The following BCL11B variants were observed in gnomAD, a reference collection of about 807,000 sequenced individuals.
The protein encoded by BCL11B is B-cell lymphoma/leukemia 11B.
A neutral mutation model predicts 49.9 loss-of-function variants in BCL11B; 8 were observed. The observed-to-expected ratio is 0.16, with a 90% CI of 0.09 to 0.29. The LOEUF (loss-of-function observed/expected upper bound fraction) is 0.29. Ranked by LOEUF, BCL11B falls within the 10% of genes least tolerant of loss-of-function variation. BCL11B has a pLI of 1.00. For synonymous variants in BCL11B, 739 were observed against 637.4 expected (o/e 1.16, Z -2.40); for missense variants, 1,006 against 1,351.0 (o/e 0.74, Z 4.00).
chr14:99,224,665 G>A (rs1358791926), intron 3 of BCL11B, among the ~76,000 whole-genome samples: 1 of 152,152 alleles, frequency 6.6e-6, no homozygotes, highest in African/African-American at 2.4e-5. Flanking sequence ...CTGTGGCCAC[G>A]CCCAGATGGT....
intron 2 of BCL11B, among the ~76,000 whole-genome samples, chr14:99,256,576 A>G (rs1362708490): frequency 6.6e-6 from 1 of 152,174 alleles, no homozygotes; most frequent in Non-Finnish European, 1.5e-5. Flanking sequence ...TGGGCTCAGA[A>G]GTATAAACCA....
chr14:99,199,673 T>TGCGCGC (rs774405509), intron 3 of BCL11B, among the ~76,000 whole-genome samples: 7 of 84,402 alleles, frequency 8.3e-5, no homozygotes, highest in African/African-American at 2.8e-4. Context: ...TGTGTGTGTG[T>TGCGCGC]GTGTGTGTGT....
At chr14:99,176,225 GAC>G (rs1457377238) in intron 3 of BCL11B, 30 bp from the exon 4 acceptor site, 3 of 1,598,826 alleles carry the variant, frequency 1.9e-6, no homozygotes, top group Non-Finnish European at 2.6e-6. Context: ...GAAAGGCAGA[GAC>G]AGCGTGAGAA....
At chr14:99,199,683 T>TGCGCGCGCGCGCGC (rs1555378683) in intron 3 of BCL11B, among the ~76,000 whole-genome samples, 10 of 73,738 alleles carry the variant, frequency 1.4e-4, no homozygotes, top group East Asian at 3.1e-4. Context: ...TGTGTGTGTG[T>TGCGCGCGCGCGCGC]GCGCGCGCGC....
At chr14:99,263,113 CGGA>C (rs1889384981) in intron 1 of BCL11B, 2 of 152,802 alleles carry the variant, frequency 1.3e-5, no homozygotes, top group Non-Finnish European at 2.9e-5. Context: ...CACAGCCAGG[CGGA>C]GTCTGAAGCA....
intron 3 of BCL11B, among the ~76,000 whole-genome samples, chr14:99,176,432 C>CT (rs1209682446): frequency 6.6e-6 from 1 of 152,220 alleles, no homozygotes; most frequent in East Asian, 1.9e-4. Flanking sequence ...GCGCCAGCGA[C>CT]TTACTTCAAT....
At position 99,247,029 on chromosome 14, in the gene BCL11B, G is replaced by A. The variant is rs1212713020; in HGVS notation, c.427+10442C>T. 1.3e-5 allele frequency among the ~76,000 whole-genome samples: 2 copies of A among 152,042 alleles called. No individual in the cohort carries two copies. The highest frequency in any genetic ancestry group is 2.9e-5 in the Non-Finnish European group (2 of 68,006). ...TCCGCAGCCTGGAGCCTCGCGTCCC[G>A]CCTCCCCGCAACACGCTGTTTTCAG... On this transcript the variant is annotated intron_variant, in intron 2 of 3. Transcript: ENST00000357195. The surrounding 1 kb of genome is among the most constrained non-coding windows in gnomAD (Gnocchi z 4.5).
chr14:99,253,444 G>A (rs978228894), intron 2 of BCL11B, among the ~76,000 whole-genome samples: 2 of 152,210 alleles, frequency 1.3e-5, no homozygotes, highest in Non-Finnish European at 2.9e-5. Flanking sequence ...CTGAAAATGC[G>A]GCGGAGGAGG....
At chr14:99,265,381 G>T (rs1889450151) in intron 1 of BCL11B, among the ~76,000 whole-genome samples, 1 of 152,108 alleles carries the variant, frequency 6.6e-6, no homozygotes, top group African/African-American at 2.4e-5. Flanking sequence ...CTAAAGGTGA[G>T]GCCTAACCAG....
At chr14:99,199,060 T>C (rs1430617276) in intron 3 of BCL11B, among the ~76,000 whole-genome samples, 3 of 152,198 alleles carry the variant, frequency 2.0e-5, no homozygotes, top group African/African-American at 7.2e-5. Context: ...GAAGCATCAC[T>C]GATACTTTTG....
chr14:99,258,541 G>T (rs1360546942), intron 1 of BCL11B, among the ~76,000 whole-genome samples: 4 of 152,220 alleles, frequency 2.6e-5, no homozygotes, highest in Admixed American at 6.5e-5. Context: ...CCTTAGGAGA[G>T]AAGGAAGCCC....
Position 99,231,693 on chromosome 14 carries a change from C to T in BCL11B, c.428-136G>A. The T allele has an allele frequency of 2.2e-6, 2 of 901,254 alleles. No homozygotes were observed. 55.8% of individuals were successfully genotyped at this position (901,254 alleles called of 1,614,324 possible). ...GGTGGGAGGCCCCCGGGGTGCCAGGCCCTGCAGGGAAGGCAATCGGGACAC... is the reference window on the plus strand; with the variant it reads ...GGTGGGAGGCCCCCGGGGTGCCAGGTCCTGCAGGGAAGGCAATCGGGACAC... On this transcript the variant is annotated intron_variant, in intron 2 of 3. Coordinates refer to ENST00000357195, the MANE Select transcript of BCL11B (RefSeq NM_138576.4). This position sits in a 1 kb window ranked among gnomAD's most constrained non-coding sequence, Gnocchi z 8.1.
intron 2 of BCL11B, among the ~76,000 whole-genome samples, chr14:99,255,562 G>C (rs2139948718): frequency 6.6e-6 from 1 of 152,262 alleles, no homozygotes. Context: ...CTCTCATTGG[G>C]AAATGCCTTC....
At chr14:99,237,744 G>T (rs1353536136) in intron 2 of BCL11B, among the ~76,000 whole-genome samples, 1 of 152,114 alleles carries the variant, frequency 6.6e-6, no homozygotes, top group Non-Finnish European at 1.5e-5. Context: ...GTCATTACAC[G>T]GGAGACATAA....
rs1024737446 is a variant in BCL11B at position 99,194,441 on chromosome 14, C to A, written c.641-18246G>T. 2.6e-5 allele frequency among the ~76,000 whole-genome samples: 4 copies of A among 152,230 alleles called. No individual in the cohort carries two copies. The highest frequency in any genetic ancestry group is 7.2e-5 in the African/African-American group (3 of 41,468). ...GGCATGGCCAGAGCTCTGTCCTTCT[C>A]GGCTTCTGCCCTGTGGGGCACCCAG... On this transcript the variant is annotated intron_variant, in intron 3 of 3. Transcript: ENST00000357195. This position sits in a 1 kb window ranked among gnomAD's most constrained non-coding sequence, Gnocchi z 4.6.
Position 99,172,525 on chromosome 14 carries a change from C to G in BCL11B, c.*1626G>C, listed in dbSNP as rs913030009. On this transcript the variant is annotated 3_prime_UTR_variant, in exon 4 of 4. Coordinates refer to ENST00000357195, the MANE Select transcript of BCL11B (RefSeq NM_138576.4). The stretch of plus-strand genomic sequence containing the variant: ...AAAGTTTTGCATTTGTCTCAAGAGA[C>G]TCAAATAGGAAGATCAGTTTTCAAG... 1.5e-5 allele frequency: 3 copies of G among 206,126 alleles called. No individual in the cohort carries two copies. Among genetic ancestry groups the G allele is most frequent in the Non-Finnish European group, 3.0e-5 (3 of 100,910 alleles). The allele number at this position is 206,126 out of a possible 1,614,324, so 12.8% of individuals were successfully genotyped here.
chr14:99,214,787 T>G lies in BCL11B; in HGVS notation c.640+16558A>C, dbSNP rs78043129. Among the ~76,000 whole-genome samples the G allele has an allele frequency of 9.9e-4, 150 of 152,246 alleles. 2 individuals are homozygous for G. The East Asian group carries it at 0.022, about 23-fold the overall frequency. ...TCTTTACCTTCCCAGCAGCATCTTA[T>G]TCCCATGGCCCCAGCAGGTGGATGT... On this transcript the variant is annotated intron_variant, in intron 3 of 3. Transcript: ENST00000357195.
chr14:99,199,685 C>CAT (rs1887304460), intron 3 of BCL11B, among the ~76,000 whole-genome samples: 1 of 58,850 alleles, frequency 1.7e-5, no homozygotes, highest in Non-Finnish European at 6.3e-5. Context: ...TGTGTGTGTG[C>CAT]GCGCGCGCGC....
At chr14:99,255,888 G>A (rs540842254) in intron 2 of BCL11B, among the ~76,000 whole-genome samples, 50 of 152,328 alleles carry the variant, frequency 3.3e-4, no homozygotes, top group Non-Finnish European at 6.9e-4. Flanking sequence ...CTTGGAAAGT[G>A]TATGAGACAC....
Sources: allele counts gnomAD v4.1 joint callset (sites outside exome capture counted in the v4.1 genomes callset), GRCh38; gene constraint gnomAD v4.1.1; non-coding constraint Gnocchi (gnomAD v3.1); transcripts MANE v1.5; gene names NCBI Gene and HGNC (gene_info 2026-07-23, HGNC 2026-07-21).